The following DCDC1 variants were observed in gnomAD, a reference collection of about 807,000 sequenced individuals.
The protein encoded by DCDC1 is doublecortin domain containing 1, also known as doublecortin domain-containing protein 1.
Under a neutral mutation model 178.3 loss-of-function variants are expected in DCDC1, and 200 were observed. The observed-to-expected ratio is 1.12, with a 90% CI of 1.00 to 1.26. The LOEUF (loss-of-function observed/expected upper bound fraction) is 1.26, where lower values mean the gene tolerates loss of function less well. DCDC1 is among the 50% of genes most tolerant of loss of function. The pLI is 0.00. For missense variants in DCDC1, 1,983 were observed against 1,749.2 expected, an observed-to-expected ratio of 1.13 and a Z score of -2.38; for synonymous variants, 690 against 604.8, an observed-to-expected ratio of 1.14 and a Z score of -2.07.
chr11:31,143,414 A>C, intron 9 of DCDC1, among the ~76,000 whole-genome samples: 1 of 152,198 alleles, frequency 6.6e-6, no homozygotes, highest in East Asian at 1.9e-4. Context: ...ACCTTGAGCA[A>C]GAAGCAGAGA....
chr11:30,936,326 G>A (rs965897761), intron 21 of DCDC1, among the ~76,000 whole-genome samples: 1 of 152,180 alleles, frequency 6.6e-6, no homozygotes, highest in Non-Finnish European at 1.5e-5. Context: ...CCTAATGAGT[G>A]CTAATGGGAG....
At chr11:31,256,003 G>C (rs1311626487) in intron 8 of DCDC1, among the ~76,000 whole-genome samples, 4 of 152,106 alleles carry the variant, frequency 2.6e-5, no homozygotes, top group Non-Finnish European at 5.9e-5. Flanking sequence ...TCATGTTTAT[G>C]ATGTGAAGTA....
chr11:31,189,963 T>C lies in DCDC1; in HGVS notation c.1221+51487A>G, dbSNP rs555035258. Among the ~76,000 whole-genome samples the C allele has an allele frequency of 5.1e-4, 77 of 152,322 alleles. 1 individual carries two copies. The highest frequency in any genetic ancestry group is 9.6e-4 in the Non-Finnish European group (65 of 68,000). On this transcript the variant is annotated intron_variant, in intron 9 of 38. Coordinates refer to ENST00000684477, the MANE Select transcript of DCDC1 (RefSeq NM_001387274.1). ...TACCACATTTACCAAAGTTGACTGATATAATCAGAGATATTGAAGAGCTCT... is the reference window on the plus strand; with the variant it reads ...TACCACATTTACCAAAGTTGACTGACATAATCAGAGATATTGAAGAGCTCT...
At chr11:31,047,642 A>C (rs1383162758) in intron 20 of DCDC1, among the ~76,000 whole-genome samples, 1 of 152,204 alleles carries the variant, frequency 6.6e-6, no homozygotes, top group African/African-American at 2.4e-5. Flanking sequence ...GGCTAAAAAC[A>C]CATTTTTATA....
intron 21 of DCDC1, among the ~76,000 whole-genome samples, chr11:30,932,631 A>G (rs940212896): frequency 6.6e-6 from 1 of 152,204 alleles, no homozygotes; most frequent in Non-Finnish European, 1.5e-5. Flanking sequence ...TTACCTAAAT[A>G]TAGACTGGCA....
At chr11:31,226,994 C>A (rs1176709663) in intron 9 of DCDC1, among the ~76,000 whole-genome samples, 1 of 151,958 alleles carries the variant, frequency 6.6e-6, no homozygotes, top group Non-Finnish European at 1.5e-5. Flanking sequence ...ACATATGTTT[C>A]TTACATTATA....
At chr11:31,029,495 T>C (rs1953477411) in intron 20 of DCDC1, among the ~76,000 whole-genome samples, 1 of 152,134 alleles carries the variant, frequency 6.6e-6, no homozygotes, top group Non-Finnish European at 1.5e-5. Context: ...GATATTTCAT[T>C]TGTGGAGGGG....
chr11:30,930,120 G>A (rs549799451), intron 22 of DCDC1, among the ~76,000 whole-genome samples: 15 of 152,204 alleles, frequency 9.9e-5, no homozygotes, highest in African/African-American at 2.6e-4. Flanking sequence ...TAAATTTCAG[G>A]TTAATGCAAG....
At chr11:31,250,385 T>TACAC (rs10640581) in intron 8 of DCDC1, among the ~76,000 whole-genome samples, 2,591 of 91,642 alleles carry the variant, frequency 0.028, 117 homozygotes, top group East Asian at 0.069. Context: ...AGTGAATGAA[T>TACAC]ACACACACAC....
intron 9 of DCDC1, among the ~76,000 whole-genome samples, chr11:31,217,135 G>A (rs1048988193): frequency 6.6e-6 from 1 of 151,996 alleles, no homozygotes; most frequent in African/African-American, 2.4e-5. Flanking sequence ...GAAAAGGGAG[G>A]TAAGAGGCAC....
chr11:31,215,685 C>T lies in DCDC1; in HGVS notation c.1221+25765G>A, dbSNP rs778022963. Among the ~76,000 whole-genome samples the T allele has an allele frequency of 2.6e-4, 39 of 151,588 alleles. 2 individuals carry two copies. The highest frequency in any genetic ancestry group is 7.3e-5 in the African/African-American group (3 of 41,322). On this transcript the variant is annotated intron_variant, in intron 9 of 38. Transcript: ENST00000684477. ...GTGTGCGCCTATAGTCCTAGCTACT[C>T]GGGAGCCTGAGGCAGGAGAATCATT...
At chr11:31,206,517 G>T (rs937284622) in intron 9 of DCDC1, among the ~76,000 whole-genome samples, 7 of 152,170 alleles carry the variant, frequency 4.6e-5, no homozygotes, top group Middle Eastern at 3.2e-3. Flanking sequence ...AGGCTCAAGT[G>T]ATTCTCCTGC....
chr11:30,923,699 A>G (rs1946410761), intron 23 of DCDC1, among the ~76,000 whole-genome samples: 1 of 151,606 alleles, frequency 6.6e-6, no homozygotes, highest in Non-Finnish European at 1.5e-5. Flanking sequence ...GCTCACTGCA[A>G]CCTCTGCCTC....
chr11:30,956,099 T>C (rs1948755994), intron 20 of DCDC1, among the ~76,000 whole-genome samples: 1 of 152,188 alleles, frequency 6.6e-6, no homozygotes, highest in African/African-American at 2.4e-5. Flanking sequence ...TCCTTCAAAA[T>C]ATGGGAAAGT....
chr11:31,209,597 A>G (rs1231437035), intron 9 of DCDC1, among the ~76,000 whole-genome samples: 1 of 152,236 alleles, frequency 6.6e-6, no homozygotes, highest in Middle Eastern at 3.2e-3. Flanking sequence ...CATGGTTGAC[A>G]TATCTCAGAG....
intron 20 of DCDC1, among the ~76,000 whole-genome samples, chr11:30,978,846 T>C (rs1000362127): frequency 1.4e-5 from 2 of 145,962 alleles, no homozygotes; most frequent in African/African-American, 5.3e-5. Context: ...CAGCCTCTGG[T>C]ATCTATCATT....
intron 22 of DCDC1, among the ~76,000 whole-genome samples, chr11:30,928,543 A>G (rs952266552): frequency 2.6e-4 from 1 of 3,816 alleles, no homozygotes; most frequent in African/African-American, 1.2e-3. Context: ...ATTTATATTT[A>G]CAGAGTTGGC....
chr11:31,335,273 G>C (rs1165539446), intron 2 of DCDC1, among the ~76,000 whole-genome samples, 174 bp downstream of exon 2: 2 of 152,196 alleles, frequency 1.3e-5, no homozygotes, highest in African/African-American at 4.8e-5. Context: ...CAGTATTTGG[G>C]CTGGAGCACC....
intron 2 of DCDC1, among the ~76,000 whole-genome samples, chr11:31,331,493 A>C (rs528241336): frequency 3.9e-4 from 60 of 152,314 alleles, no homozygotes; most frequent in Non-Finnish European, 1.3e-4. Flanking sequence ...GTTTTTGCCC[A>C]TTCAGTATGA....
Sources: gnomAD v4.1 joint callset for allele counts (sites outside exome capture counted in the v4.1 genomes callset) on GRCh38, gnomAD v4.1.1 for gene constraint, MANE v1.5 for transcripts, NCBI Gene and HGNC (gene_info 2026-07-23, HGNC 2026-07-21) for gene names.